The following UVRAG variants were observed in gnomAD, a reference collection of about 807,000 sequenced individuals.
The protein encoded by UVRAG is UV radiation resistance associated.
In UVRAG, 19 loss-of-function variants were observed where a neutral mutation model predicts 78.0. That is an observed-to-expected ratio of 0.24 (90% CI 0.17 to 0.36). The LOEUF is 0.36. Among genes scored for constraint, UVRAG ranks in the 10% least tolerant of loss-of-function variants. The probability of loss-of-function intolerance (pLI) is 1.00; values close to 1 mark genes in which losing one functional copy is unlikely to be tolerated. For synonymous variants in UVRAG, 323 were observed against 324.6 expected, an observed-to-expected ratio of 1.00 and a Z score of 0.05; for missense variants, 740 against 853.8, an observed-to-expected ratio of 0.87 and a Z score of 1.66.
rs1272939252 is a variant in UVRAG at position 75,983,375 on chromosome 11, T to G, written c.700-12T>G. The G allele has an allele frequency of 6.3e-7, 1 of 1,578,304 alleles. No individual in the cohort carries two copies. On this transcript the variant is annotated splice_polypyrimidine_tract_variant and intron_variant, in intron 7 of 14. Transcript: ENST00000356136. ...TATATTCATAAATATACCTGTGATT[T>G]TATTTATTTAGAAAAAAAAAAGTGA...
At chr11:75,958,514 C>T in intron 6 of UVRAG, among the ~76,000 whole-genome samples, 1 of 152,156 alleles carries the variant, frequency 6.6e-6, no homozygotes, top group East Asian at 1.9e-4. Flanking sequence ...GAGATCACAG[C>T]AATTCAGTCA....
intron 6 of UVRAG, among the ~76,000 whole-genome samples, chr11:75,940,590 C>T (rs1948464896): frequency 6.6e-6 from 1 of 152,108 alleles, no homozygotes; most frequent in South Asian, 2.1e-4. Flanking sequence ...TTGTGGAGAA[C>T]TCCCCAAGTG....
At chr11:76,078,205 G>A (rs1011090863) in intron 13 of UVRAG, among the ~76,000 whole-genome samples, 7 of 152,102 alleles carry the variant, frequency 4.6e-5, no homozygotes, top group Admixed American at 2.0e-4. Context: ...AAAGAGATGA[G>A]CTCCAAAAAA....
At chr11:76,014,712 A>G (rs984242061) in intron 11 of UVRAG, among the ~76,000 whole-genome samples, 2 of 152,232 alleles carry the variant, frequency 1.3e-5, no homozygotes, top group Non-Finnish European at 2.9e-5. Flanking sequence ...TGACCAAGCC[A>G]TTTATACCAC....
chr11:76,025,185 G>T (rs1950306829), intron 12 of UVRAG, among the ~76,000 whole-genome samples: 1 of 152,162 alleles, frequency 6.6e-6, no homozygotes, highest in South Asian at 2.1e-4. Flanking sequence ...TCACTGTGAG[G>T]CTCAGACCAC....
chr11:75,866,094 C>CA (rs1187823495), intron 3 of UVRAG, among the ~76,000 whole-genome samples: 1 of 151,776 alleles, frequency 6.6e-6, no homozygotes, highest in Non-Finnish European at 1.5e-5. Context: ...CCATCTCTAC[C>CA]AAAAAATGCA....
chr11:75,890,966 G>T (rs1947201780), intron 5 of UVRAG, among the ~76,000 whole-genome samples: 1 of 152,016 alleles, frequency 6.6e-6, no homozygotes, highest in Non-Finnish European at 1.5e-5. Flanking sequence ...CTTTTTGCTT[G>T]TTTTTTTAAG....
At chr11:75,872,207 C>T (rs185941475) in intron 3 of UVRAG, among the ~76,000 whole-genome samples, 1 of 152,198 alleles carries the variant, frequency 6.6e-6, no homozygotes, top group Non-Finnish European at 1.5e-5. Context: ...TTCCTCTCCC[C>T]TTTCTTAAAT....
chr11:75,861,405 C>T (rs533089215), intron 2 of UVRAG, among the ~76,000 whole-genome samples: 1 of 152,146 alleles, frequency 6.6e-6, no homozygotes, highest in East Asian at 1.9e-4. Flanking sequence ...AAAAACAGAG[C>T]GGATGGAGTC....
intron 4 of UVRAG, among the ~76,000 whole-genome samples, chr11:75,885,395 A>G (rs978035725): frequency 3.9e-5 from 6 of 152,178 alleles, no homozygotes; most frequent in African/African-American, 1.4e-4. Context: ...TTTTACATAC[A>G]TACAATGACC....
chr11:75,872,867 T>G (rs1212195867), intron 3 of UVRAG, among the ~76,000 whole-genome samples: 1 of 152,224 alleles, frequency 6.6e-6, no homozygotes, highest in Non-Finnish European at 1.5e-5. Flanking sequence ...TAAGTAAGAA[T>G]ATATAGTCAA....
At chr11:75,823,957 CT>C (rs1213898712) in intron 1 of UVRAG, among the ~76,000 whole-genome samples, 20 of 152,196 alleles carry the variant, frequency 1.3e-4, no homozygotes, top group Non-Finnish European at 2.5e-4. Flanking sequence ...AAAAGTAGAT[CT>C]AAAGCTTGAT....
rs79234946 is a variant in UVRAG at position 76,029,744 on chromosome 11, G to A, written c.1226+12764G>A. 8.7e-4 allele frequency among the ~76,000 whole-genome samples: 133 copies of A among 152,322 alleles called. No homozygotes were observed. The Middle Eastern group carries it at 0.014, about 16-fold the overall frequency. On this transcript the variant is annotated intron_variant, in intron 12 of 14. Coordinates refer to ENST00000356136, the MANE Select transcript of UVRAG (RefSeq NM_003369.4). Reference sequence around the variant, plus strand: ...CATAAACTTAGTTGACAAGGAAGTGGCAGGGTTTGAGAGGAAGGATTGACT... The same window carrying A: ...CATAAACTTAGTTGACAAGGAAGTGACAGGGTTTGAGAGGAAGGATTGACT...
chr11:75,932,588 T>C (rs1189570623), intron 6 of UVRAG, among the ~76,000 whole-genome samples: 1 of 152,130 alleles, frequency 6.6e-6, no homozygotes, highest in Non-Finnish European at 1.5e-5. Flanking sequence ...CTGGCCCAGA[T>C]GATATGATCT....
chr11:75,994,655 T>C (rs998688827), intron 8 of UVRAG, among the ~76,000 whole-genome samples: 2 of 152,298 alleles, frequency 1.3e-5, no homozygotes, highest in East Asian at 3.9e-4. Context: ...ATGAGGAAAA[T>C]TAGGGCTCAG....
chr11:76,131,290 C>T (rs967925250), intron 14 of UVRAG, among the ~76,000 whole-genome samples: 2 of 152,186 alleles, frequency 1.3e-5, no homozygotes, highest in Admixed American at 6.5e-5. Context: ...CTGTGTATTC[C>T]CTGATCCCAT....
At chr11:75,887,984 A>G (rs1218740665) in intron 4 of UVRAG, among the ~76,000 whole-genome samples, 2 of 152,238 alleles carry the variant, frequency 1.3e-5, no homozygotes, top group African/African-American at 4.8e-5. Context: ...TGGTTTGCAG[A>G]CAATAATAGA....
At chr11:75,963,193 G>A (rs1393534606) in intron 7 of UVRAG, among the ~76,000 whole-genome samples, 1 of 152,032 alleles carries the variant, frequency 6.6e-6, no homozygotes, top group Non-Finnish European at 1.5e-5. Context: ...GCTCTATAAG[G>A]CGAGGGGTTT....
chr11:76,030,872 A>G (rs1255532129), intron 12 of UVRAG, among the ~76,000 whole-genome samples: 1 of 152,114 alleles, frequency 6.6e-6, no homozygotes, highest in Admixed American at 6.5e-5. Flanking sequence ...GAAGTTCTTT[A>G]TATGTACTTT....
Sources: allele counts gnomAD v4.1 joint callset (sites outside exome capture counted in the v4.1 genomes callset), GRCh38; gene constraint gnomAD v4.1.1; transcripts MANE v1.5; gene names NCBI Gene and HGNC (gene_info 2026-07-23, HGNC 2026-07-21).